ABCC10: variants seen among roughly 807,000 people sequenced by gnomAD.
ABCC10 encodes the protein ATP binding cassette subfamily C member 10.
In ABCC10, 110 loss-of-function variants were observed where a neutral mutation model predicts 143.2. The observed-to-expected ratio is 0.77, with a 90% confidence interval of 0.66 to 0.90. ABCC10 has a LOEUF of 0.90. Ranked by LOEUF, ABCC10 falls within the 40% of genes least tolerant of loss-of-function variation. The pLI is 0.00. For missense variants in ABCC10, 1,700 were observed against 1,900.5 expected (o/e 0.89, Z 1.96); for synonymous variants, 805 against 846.7 (o/e 0.95, Z 0.85).
In ABCC10 at chr6:43,447,388, C is replaced by T. The variant is rs1228114599; in HGVS notation, c.3685C>T (p.Pro1229Ser). The T allele has an allele frequency of 3.1e-6, 5 of 1,612,960 alleles. No individual in the cohort carries two copies. Among genetic ancestry groups the T allele is most frequent in the Non-Finnish European group, 4.2e-6 (5 of 1,179,940 alleles). The change falls in exon 17 of 22, where the codon CCC (proline) becomes TCC (serine). Residue 1229 changes from proline (P) to serine (S), a missense_variant. By Grantham distance (74) the Pro-to-Ser change is moderately conservative (BLOSUM62 -1). Coordinates refer to ENST00000372530, the MANE Select transcript of ABCC10 (RefSeq NM_001198934.2). ...GTACACCTGTGACCTGCCCCAGGAA[C>T]CCCAGGGCCAGCCACTGCAGGTGGG... is the stretch of plus-strand genomic sequence containing the variant. ...EEYTCDLPQEPQGQPLQLGTG... is the reference protein window; with the variant it reads ...EEYTCDLPQESQGQPLQLGTG...
intron 2 of ABCC10, among the ~76,000 whole-genome samples, chr6:43,430,011 C>G (rs1050656399): frequency 6.6e-6 from 1 of 152,220 alleles, no homozygotes; most frequent in African/African-American, 2.4e-5. Flanking sequence ...AACTCTTGGG[C>G]TCAAGCAATC....
chr6:43,451,178 A>G (rs1783710311), downstream of ABCC10: 1 of 1,613,494 alleles, frequency 6.2e-7, no homozygotes, highest in Non-Finnish European at 8.5e-7. The surrounding 1 kb of genome is among the most constrained non-coding windows in gnomAD (Gnocchi z 4.4). Context: ...CATTTACCTC[A>G]CAGCGGGCAC....
chr6:43,450,190 T>A lies in ABCC10; in HGVS notation c.*99T>A. On this transcript the variant is annotated 3_prime_UTR_variant, in exon 22 of 22. Coordinates refer to ENST00000372530, the MANE Select transcript of ABCC10 (RefSeq NM_001198934.2). The surrounding 1 kb of genome is among the most constrained non-coding windows in gnomAD (Gnocchi z 4.5). ...TTGTTTACATTCTCCTCTGGGGCTCTACCTCTCCACACTTCCCCAGAAGGG... is the reference window on the plus strand; with the variant it reads ...TTGTTTACATTCTCCTCTGGGGCTCAACCTCTCCACACTTCCCCAGAAGGG... The A allele has an allele frequency of 7.2e-7, 1 of 1,381,986 alleles. No individual in the cohort carries two copies. Among genetic ancestry groups the A allele is most frequent in the East Asian group, 2.3e-5 (1 of 42,734 alleles). The allele number at this position is 1,381,986 out of a possible 1,614,324, so 85.6% of individuals were successfully genotyped here.
In ABCC10 at chr6:43,434,784, T is replaced by A. The variant is rs1231790897; in HGVS notation, c.1544T>A (p.Val515Asp). ...GTATACCTGTGGGCTGCCCTACCGG[T>A]TGTCATCTCCATCGTTATCTTCATC... ...ACVYLWAALP[V>D]VISIVIFITY... Residue 515 changes from valine (V) to aspartate (D), a missense_variant, in exon 4 of 22, where the codon GTT becomes GAT. Coordinates refer to ENST00000372530, the MANE Select transcript of ABCC10 (RefSeq NM_001198934.2). 3 of 1,614,004 alleles carry A rather than the reference T, an allele frequency of 1.9e-6. No individual in the cohort carries two copies. The highest frequency in any genetic ancestry group is 2.5e-6 in the Non-Finnish European group (3 of 1,180,032).
chr6:43,436,221 TTCA>T lies in ABCC10; in HGVS notation c.1853_1855del (p.Ile618del). The T allele has an allele frequency of 6.2e-7, 1 of 1,614,054 alleles. No homozygotes were observed. The highest frequency in any genetic ancestry group is 8.5e-7 in the Non-Finnish European group (1 of 1,180,002). The stretch of plus-strand genomic sequence containing the variant: ...CCCAGTTGGAACCAGCCTGGAGACC[TTCA>T]TCAGTCATCTCGAAGTGAAAAAGGT... On this transcript the variant is annotated inframe_deletion, in exon 6 of 22. Transcript: ENST00000372530.
Position 43,445,112 on chromosome 6 carries a change from C to T in ABCC10, c.2841-13C>T, listed in dbSNP as rs1782895972. 2 of 1,613,388 alleles carry T rather than the reference C, an allele frequency of 1.2e-6. No individual in the cohort carries two copies. The highest frequency in any genetic ancestry group is 1.7e-6 in the Non-Finnish European group (2 of 1,179,482). The stretch of plus-strand genomic sequence containing the variant: ...TAGTTTTGGTTACCGACAGCCCCCT[C>T]CTCACCACCCAGCATCCCAGTGTTC... On this transcript the variant is annotated splice_polypyrimidine_tract_variant and intron_variant, in intron 13 of 21. Transcript: ENST00000372530.
rs1782950379 is a variant in ABCC10, at chr6:43,445,472, G to A, written c.3031-127G>A. Reference sequence around the variant, plus strand: ...TCTCTCTTCTCTGCCCCCAAATTCTGGGGATATTTTAGTCCTTCCCTATTC... The same window carrying A: ...TCTCTCTTCTCTGCCCCCAAATTCTAGGGATATTTTAGTCCTTCCCTATTC... On this transcript the variant is annotated intron_variant, in intron 14 of 21. Coordinates refer to ENST00000372530, the MANE Select transcript of ABCC10 (RefSeq NM_001198934.2). The A allele has an allele frequency of 4.4e-6, 6 of 1,365,906 alleles. No individual in the cohort carries two copies. The South Asian group carries it at 5.4e-5, about 12-fold the overall frequency. 84.6% of individuals were successfully genotyped at this position (1,365,906 alleles called of 1,614,324 possible).
intron 7 of ABCC10, 77 bp from the exon 8 acceptor site, chr6:43,438,547 T>G (rs1781991537): frequency 1.9e-6 from 3 of 1,555,516 alleles, no homozygotes; most frequent in Non-Finnish European, 2.6e-6. Flanking sequence ...CTGGGGAGGC[T>G]TCTAGGAGTC....
chr6:43,434,972 A>C lies in ABCC10; in HGVS notation c.1608+124A>C, dbSNP rs531060955. 4.8e-6 allele frequency: 5 copies of C among 1,048,118 alleles called. No homozygotes were observed. The East Asian group carries it at 1.3e-4, about 27-fold the overall frequency. The allele number at this position is 1,048,118 out of a possible 1,614,324, so 64.9% of individuals were successfully genotyped here. On this transcript the variant is annotated intron_variant, in intron 4 of 21. Transcript: ENST00000372530. ...TCCCTGACTGCCTCATCTCTCAACC[A>C]AGGGAAAACTGAAGAAACCTTTTTG...
At position 43,432,798 on chromosome 6, in the gene ABCC10, T is replaced by C; in HGVS notation, c.818T>C (p.Leu273Pro). 1 of 1,614,176 alleles carries C rather than the reference T, an allele frequency of 6.2e-7. No individual in the cohort carries two copies. The highest frequency in any genetic ancestry group is 8.5e-7 in the Non-Finnish European group (1 of 1,180,030). Residue 273 changes from leucine (L) to proline (P), a missense_variant, in exon 3 of 22, where the codon CTG becomes CCG. Physicochemically the swap from Leu to Pro is moderately conservative, Grantham distance 98 (BLOSUM62 -3). Transcript: ENST00000372530. The part of the protein sequence containing the change: ...FQAHWQEGAR[L>P]WRALYGAFGR... Reference sequence around the variant, plus strand: ...GCACACTGGCAGGAGGGGGCACGGCTGTGGAGGGCCTTGTATGGGGCCTTT... The same window carrying C: ...GCACACTGGCAGGAGGGGGCACGGCCGTGGAGGGCCTTGTATGGGGCCTTT...
At chr6:43,450,700 C>A, downstream of ABCC10, 1 of 1,614,026 alleles carries the variant, frequency 6.2e-7, no homozygotes, top group South Asian at 1.1e-5. The surrounding 1 kb of genome is among the most constrained non-coding windows in gnomAD (Gnocchi z 4.5). Flanking sequence ...CGGCGCCAGG[C>A]CCTCAGGGTC....
rs2277122 is a variant in ABCC10 at position 43,438,763 on chromosome 6, C to T, written c.2095C>T (p.Leu699=). 80,304 of 1,614,142 alleles carry T rather than the reference C, an allele frequency of 0.05. 2,701 individuals carry two copies. Among genetic ancestry groups the T allele is most frequent in the South Asian group, 0.13 (11,715 of 91,082 alleles). ...TGATGCACAGCTGTACAAGGAGGTG[C>T]TAGAAGCCTGCGCCCTCAATGATGA... ...TFDAQLYKEV[L]EACALNDDLS... is the part of the protein sequence containing the mutation. The change falls in exon 8 of 22, where the codon CTA becomes TTA. Residue 699 remains leucine, a synonymous_variant. Coordinates refer to ENST00000372530, the MANE Select transcript of ABCC10 (RefSeq NM_001198934.2).
chr6:43,450,017 C>T lies in ABCC10; in HGVS notation c.4405C>T (p.Gln1469Ter), dbSNP rs772253026. Reference protein sequence around the residue: ...ELDSPATLRNQPHSLFQQLLQ... With the variant: ...ELDSPATLRN ...GGACTCCCCGGCCACCCTGCGCAACCAGCCCCACTCCCTGTTCCAGCAGCT... is the reference window on the plus strand; with the variant it reads ...GGACTCCCCGGCCACCCTGCGCAACTAGCCCCACTCCCTGTTCCAGCAGCT... Residue 1469 changes from glutamine (Q) to a stop codon, truncating the protein, a stop_gained, in exon 22 of 22, where the codon CAG becomes TAG. Transcript: ENST00000372530. LOFTEE classifies it high-confidence loss of function. The surrounding 1 kb of genome is among the most constrained non-coding windows in gnomAD (Gnocchi z 4.5). 6.2e-7 allele frequency: 1 copy of T among 1,613,498 alleles called. No homozygotes were observed. Among genetic ancestry groups the T allele is most frequent in the Non-Finnish European group, 8.5e-7 (1 of 1,179,920 alleles).
chr6:43,448,206 CT>C, intron 18 of ABCC10: 1 of 577,156 alleles, frequency 1.7e-6, no homozygotes, highest in Non-Finnish European at 3.2e-6. Flanking sequence ...ACACCCTCCA[CT>C]CTTGTGCCCC....
At chr6:43,438,824 C>T (rs1486119692) in intron 8 of ABCC10, 29 bp downstream of exon 8, 3 of 1,610,304 alleles carry the variant, frequency 1.9e-6, no homozygotes, top group East Asian at 4.5e-5. Context: ...AACCTCTTAG[C>T]TGCCTGTTTC....
Position 43,427,690 on chromosome 6 carries a change from G to T in ABCC10, c.-79G>T. 3.7e-6 allele frequency: 2 copies of T among 534,304 alleles called. No individual in the cohort carries two copies. The highest frequency in any genetic ancestry group is 6.8e-6 in the Non-Finnish European group (2 of 294,064). The allele number at this position is 534,304 out of a possible 1,614,324, so 33.1% of individuals were successfully genotyped here. A position where few individuals can be genotyped will look rare whatever the true frequency, so the allele number is the denominator to read the frequency against. ...GGATATCGGAATCCGGTGCACAGCA[G>T]CTTCTTCAGGTTTGAGGTTCCGGAT... On this transcript the variant is annotated 5_prime_UTR_variant, in exon 1 of 22. Transcript: ENST00000372530.
At chr6:43,440,167 G>T (rs1782227568) in intron 8 of ABCC10, among the ~76,000 whole-genome samples, 1 of 151,102 alleles carries the variant, frequency 6.6e-6, no homozygotes, top group South Asian at 2.1e-4. Flanking sequence ...ATGTTGCCCA[G>T]GCTGGTCTCG....
rs1562183139 is a variant in ABCC10 at position 43,438,706 on chromosome 6, A to G, written c.2038A>G (p.Ile680Val). 6.2e-7 allele frequency: 1 copy of G among 1,614,238 alleles called. No individual in the cohort carries two copies. The highest frequency in any genetic ancestry group is 8.5e-7 in the Non-Finnish European group (1 of 1,180,040). The stretch of plus-strand genomic sequence containing the variant: ...GGAACCCTGGATCCAGTTTGCCACC[A>G]TCCGAGACAACATCCTCTTTGGGAA... Reference protein sequence around the residue: ...TQEPWIQFATIRDNILFGKTF... With the variant: ...TQEPWIQFATVRDNILFGKTF... Residue 680 changes from isoleucine (I) to valine (V), a missense_variant, in exon 8 of 22, where the codon ATC becomes GTC. Coordinates refer to ENST00000372530, the MANE Select transcript of ABCC10 (RefSeq NM_001198934.2).
In ABCC10 at chr6:43,433,367, G is replaced by A. The variant is rs9394952; in HGVS notation, c.1380+7G>A. The A allele has an allele frequency of 0.47, 748,159 of 1,595,784 alleles. 182,701 individuals are homozygous for A. The highest frequency in any genetic ancestry group is 0.64 in the East Asian group (28,358 of 44,508). On this transcript the variant is annotated splice_region_variant and intron_variant, in intron 3 of 21. Coordinates refer to ENST00000372530, the MANE Select transcript of ABCC10 (RefSeq NM_001198934.2). ...CAAGGATGCGCGGGTTAAGGTGAGC[G>A]GGTACTTGGGGTCCCTCAGCTATCT...
Sources: allele counts gnomAD v4.1 joint callset (sites outside exome capture counted in the v4.1 genomes callset), GRCh38; gene constraint gnomAD v4.1.1; non-coding constraint Gnocchi (gnomAD v3.1); transcripts MANE v1.5; gene names NCBI Gene and HGNC (gene_info 2026-07-23, HGNC 2026-07-21).